The following FAR1 variants were observed in gnomAD, a reference collection of about 807,000 sequenced individuals.
FAR1 encodes male sterility domain-containing protein 2.
A neutral mutation model predicts 61.1 loss-of-function variants in FAR1; 22 were observed. The ratio of observed to expected loss-of-function variants is 0.36; its 90% confidence interval spans 0.26 to 0.51. The LOEUF (loss-of-function observed/expected upper bound fraction) is 0.51. Among genes scored for constraint, FAR1 ranks in the 20% least tolerant of loss-of-function variants. The pLI is 0.95. For synonymous variants in FAR1, 206 were observed against 209.7 expected (o/e 0.98, Z 0.15); for missense variants, 359 against 626.9 (o/e 0.57, Z 4.56).
chr11:13,727,524 G>T (rs1008636294), intron 10 of FAR1, 32 bp from the exon 11 acceptor site: 2 of 1,561,520 alleles, frequency 1.3e-6, no homozygotes, highest in South Asian at 1.2e-5. Flanking sequence ...AATTAGTCAA[G>T]AAAATAATCA....
chr11:13,680,991 C>CT (rs931021832), intron 1 of FAR1, among the ~76,000 whole-genome samples: 3 of 152,190 alleles, frequency 2.0e-5, no homozygotes, highest in Non-Finnish European at 4.4e-5. Context: ...TCTTCATAAT[C>CT]TAACTTCTGT....
At chr11:13,713,291 A>G (rs778816184) in intron 8 of FAR1, among the ~76,000 whole-genome samples, 4 of 109,928 alleles carry the variant, frequency 3.6e-5, no homozygotes, top group Non-Finnish European at 5.0e-5. Context: ...TTCTCCTGCC[A>G]TCTGCAGTAG....
intron 1 of FAR1, among the ~76,000 whole-genome samples, chr11:13,670,583 C>T (rs752944906): frequency 6.6e-6 from 1 of 152,110 alleles, no homozygotes; most frequent in African/African-American, 2.4e-5. Context: ...TTAGCTGCCG[C>T]GCCGGCCAAA....
Position 13,721,733 on chromosome 11 carries a change from G to A in FAR1, c.1131G>A (p.Met377Ile). The A allele has an allele frequency of 6.2e-7, 1 of 1,609,816 alleles. No individual in the cohort carries two copies. Residue 377 changes from methionine (M) to isoleucine (I), a missense_variant, in exon 10 of 12, where the codon ATG (methionine) becomes ATA (isoleucine). Physicochemically the swap from Met to Ile is conservative, Grantham distance 10. Coordinates refer to ENST00000354817, the MANE Select transcript of FAR1 (RefSeq NM_032228.6). The surrounding 1 kb of genome is among the most constrained non-coding windows in gnomAD (Gnocchi z 4.2). ...YLRMTGRSPR[M>I]MKTITRLHKA... ...GTCCATTTTTCTTACAATACAGGATGATGAAAACAATAACTCGTCTTCACA... is the reference window on the plus strand; with the variant it reads ...GTCCATTTTTCTTACAATACAGGATAATGAAAACAATAACTCGTCTTCACA...
chr11:13,695,984 T>C (rs1848302962), intron 2 of FAR1, among the ~76,000 whole-genome samples: 1 of 152,196 alleles, frequency 6.6e-6, no homozygotes, highest in Admixed American at 6.5e-5. Flanking sequence ...CCCTTAATCA[T>C]TTTTTCTCTC....
At chr11:13,720,044 AT>A (rs1287574374) in intron 9 of FAR1, 2 of 152,182 alleles carry the variant, frequency 1.3e-5, no homozygotes, top group East Asian at 3.8e-4. Flanking sequence ...TCAATCCAGT[AT>A]TTTTGTTGCA....
intron 10 of FAR1, among the ~76,000 whole-genome samples, chr11:13,722,850 CTCTCTCTCTA>C (rs1848625960): frequency 7.1e-6 from 1 of 141,784 alleles, no homozygotes; most frequent in African/African-American, 2.6e-5. Flanking sequence ...CTCCCTCTCT[CTCTCTCTCTA>C]TATATATATA....
At chr11:13,680,378 C>A (rs1004347397) in intron 1 of FAR1, among the ~76,000 whole-genome samples, 4 of 152,108 alleles carry the variant, frequency 2.6e-5, no homozygotes, top group African/African-American at 9.7e-5. Flanking sequence ...CAGTTGTGTG[C>A]CACTGTGCCT....
chr11:13,704,501 T>C (rs1227645154), intron 3 of FAR1, among the ~76,000 whole-genome samples: 1 of 152,194 alleles, frequency 6.6e-6, no homozygotes, highest in Non-Finnish European at 1.5e-5. Context: ...AAAATGCATA[T>C]TCCTAGACTG....
At chr11:13,688,882 A>T (rs1180048751) in intron 1 of FAR1, among the ~76,000 whole-genome samples, 2 of 151,464 alleles carry the variant, frequency 1.3e-5, no homozygotes, top group African/African-American at 4.9e-5. Context: ...CTGACCTTGA[A>T]CTCCTGGGCT....
Position 13,702,502 on chromosome 11 carries a change from G to A in FAR1, c.365+2010G>A, listed in dbSNP as rs573529076. On this transcript the variant is annotated intron_variant, in intron 3 of 11. Coordinates refer to ENST00000354817, the MANE Select transcript of FAR1 (RefSeq NM_032228.6). ...TGTGTGTGTATATTTTTGTATATAG[G>A]TCTAACTATTTGTTTTTAACTAGCA... is the stretch of plus-strand genomic sequence containing the variant. Among the ~76,000 whole-genome samples the A allele has an allele frequency of 2.0e-5, 3 of 152,056 alleles. No homozygotes were observed. In the East Asian group the frequency reaches 5.8e-4, roughly 29 times the overall value.
intron 3 of FAR1, among the ~76,000 whole-genome samples, chr11:13,702,715 G>A (rs192249274): frequency 3.4e-4 from 52 of 152,246 alleles, no homozygotes; most frequent in African/African-American, 1.2e-3. Flanking sequence ...AAAAACATAC[G>A]TAGATATTGG....
intron 1 of FAR1, among the ~76,000 whole-genome samples, chr11:13,672,888 G>A (rs1450055860): frequency 1.3e-5 from 2 of 152,012 alleles, no homozygotes; most frequent in African/African-American, 4.8e-5. Context: ...TGAATTTAAG[G>A]TTTAAAAAAA....
chr11:13,689,873 CTTTTT>C (rs71041539), intron 1 of FAR1, among the ~76,000 whole-genome samples: 1 of 118,528 alleles, frequency 8.4e-6, no homozygotes, highest in Non-Finnish European at 1.7e-5. Context: ...TCATTTCGAT[CTTTTT>C]TTTTTTTTTT....
rs751935750 is a variant in FAR1, at chr11:13,707,945, C to G, written c.411C>G (p.Leu137=). Reference sequence around the variant, plus strand: ...TGATTGCAACGCGACAGCTTATTCTCCTTGCACAACAAATGAAGAATCTGG... The same window carrying G: ...TGATTGCAACGCGACAGCTTATTCTGCTTGCACAACAAATGAAGAATCTGG... The part of the protein sequence containing the change: ...LNVIATRQLI[L]LAQQMKNLEV... The change falls in exon 4 of 12, where the codon CTC becomes CTG. Residue 137 remains leucine (L), a synonymous_variant. Transcript: ENST00000354817. 13 of 1,601,502 alleles carry G rather than the reference C, an allele frequency of 8.1e-6. No homozygotes were observed. The highest frequency in any genetic ancestry group is 5.4e-5 in the African/African-American group (4 of 74,174).
chr11:13,686,047 C>T (rs558460600), intron 1 of FAR1, among the ~76,000 whole-genome samples: 1 of 152,260 alleles, frequency 6.6e-6, no homozygotes, highest in African/African-American at 2.4e-5. Flanking sequence ...GCCTTGACCT[C>T]GCTGAAGGAC....
rs1204113855 is a variant in FAR1, at chr11:13,730,766, T to G, written c.*1992T>G. Reference sequence around the variant, plus strand: ...GGTTTTATTGTTCTTGTAATCTAGCTTAAAGAAATGTTAACTGGGAGGGTG... The same window carrying G: ...GGTTTTATTGTTCTTGTAATCTAGCGTAAAGAAATGTTAACTGGGAGGGTG... On this transcript the variant is annotated 3_prime_UTR_variant, in exon 12 of 12. Transcript: ENST00000354817. 1 of 152,088 alleles carries G rather than the reference T, an allele frequency of 6.6e-6. No individual in the cohort carries two copies. Among genetic ancestry groups the G allele is most frequent in the East Asian group, 1.9e-4 (1 of 5,200 alleles). The allele number at this position is 152,088 out of a possible 1,614,324, so 9.4% of individuals were successfully genotyped here. A position where few individuals can be genotyped will look rare whatever the true frequency, so the allele number is the denominator to read the frequency against.
intron 10 of FAR1, among the ~76,000 whole-genome samples, chr11:13,722,858 C>CTCTATATA (rs905924337): frequency 2.0e-5 from 3 of 147,812 alleles, no homozygotes; most frequent in African/African-American, 7.5e-5. Flanking sequence ...CTCTCTCTCT[C>CTCTATATA]TATATATATA....
chr11:13,716,060 T>G (rs1377817954), intron 9 of FAR1, among the ~76,000 whole-genome samples: 1 of 152,220 alleles, frequency 6.6e-6, no homozygotes, highest in Non-Finnish European at 1.5e-5. Context: ...CAGACTTTTC[T>G]AGAATGATCT....
Sources: allele counts gnomAD v4.1 joint callset (sites outside exome capture counted in the v4.1 genomes callset), GRCh38; gene constraint gnomAD v4.1.1; non-coding constraint Gnocchi (gnomAD v3.1); transcripts MANE v1.5; gene names NCBI Gene and HGNC (gene_info 2026-07-23, HGNC 2026-07-21).